Variants in MAP3K4 observed in about 807,000 individuals in gnomAD.
MAP3K4 encodes the protein mitogen-activated protein kinase kinase kinase 4.
MAP3K4 carries 67 observed loss-of-function variants against 185.6 expected under a neutral mutation model. The ratio of observed to expected loss-of-function variants is 0.36; its 90% CI spans 0.30 to 0.44. The LOEUF (loss-of-function observed/expected upper bound fraction) is 0.44, where lower values mean the gene tolerates loss of function less well. Among genes scored for constraint, MAP3K4 ranks in the 20% least tolerant of loss-of-function variants. The pLI is 1.00. For missense variants in MAP3K4, 1,551 were observed against 1,995.1 expected, an observed-to-expected ratio of 0.78 and a Z score of 4.24; for synonymous variants, 702 against 710.4, an observed-to-expected ratio of 0.99 and a Z score of 0.19.
chr6:161,066,290 T>C (rs1191754859), intron 3 of MAP3K4, among the ~76,000 whole-genome samples: 1 of 152,182 alleles, frequency 6.6e-6, no homozygotes, highest in Non-Finnish European at 1.5e-5. Flanking sequence ...GTTTTGACTA[T>C]GCCAAATGCT....
In MAP3K4 at chr6:161,107,274, T is replaced by C. The variant is rs1054886059; in HGVS notation, c.4048+569T>C. On this transcript the variant is annotated intron_variant, in intron 20 of 26. Coordinates refer to ENST00000392142, the MANE Select transcript of MAP3K4 (RefSeq NM_005922.4). This position sits in a 1 kb window ranked among gnomAD's most constrained non-coding sequence, Gnocchi z 6.2. ...TATTTATCTGTCACACATCTAGGTC[T>C]GAAGGGGGCGAACACAGTTGTATGA... 6.6e-6 allele frequency among the ~76,000 whole-genome samples: 1 copy of C among 152,194 alleles called. No individual in the cohort carries two copies. Among genetic ancestry groups the C allele is most frequent in the African/African-American group, 2.4e-5 (1 of 41,444 alleles).
chr6:161,002,410 AGATT>A (rs1484041143), intron 1 of MAP3K4, among the ~76,000 whole-genome samples: 2 of 152,198 alleles, frequency 1.3e-5, no homozygotes, highest in East Asian at 1.9e-4. Flanking sequence ...TAATAAAACT[AGATT>A]GATCTAGCTA....
At chr6:161,041,191 G>A (rs749293180) in intron 2 of MAP3K4, among the ~76,000 whole-genome samples, 1 of 152,182 alleles carries the variant, frequency 6.6e-6, no homozygotes, top group Non-Finnish European at 1.5e-5. Context: ...TCCAGCACCT[G>A]CCCAAGGAAC....
At chr6:161,039,090 C>T (rs940289932) in intron 2 of MAP3K4, among the ~76,000 whole-genome samples, 5 of 152,074 alleles carry the variant, frequency 3.3e-5, no homozygotes, top group African/African-American at 1.2e-4. Flanking sequence ...CTGTTGTGTT[C>T]TTTTAGTTCC....
intron 1 of MAP3K4, among the ~76,000 whole-genome samples, chr6:161,014,105 T>C (rs1240379612): frequency 6.6e-6 from 1 of 152,230 alleles, no homozygotes; most frequent in African/African-American, 2.4e-5. Context: ...GTGGAATGAA[T>C]TGTCATTAAC....
In MAP3K4 at chr6:161,117,002, G is replaced by A. The variant is rs544298943; in HGVS notation, c.*132G>A. 1.1e-4 allele frequency: 91 copies of A among 799,868 alleles called. No individual in the cohort carries two copies. The highest frequency in any genetic ancestry group is 2.1e-4 in the Admixed American group (9 of 43,212). The allele number at this position is 799,868 out of a possible 1,614,324, so 49.5% of individuals were successfully genotyped here. On this transcript the variant is annotated 3_prime_UTR_variant, in exon 27 of 27. Transcript: ENST00000392142. ...ACTGAAGACTGCACAGGTGACAAGC[G>A]TCACTTCTCCTGCTGCTCCTGTTTG...
chr6:161,086,666 A>G lies in MAP3K4; in HGVS notation c.2555A>G (p.Lys852Arg), dbSNP rs750031237. The change falls in exon 9 of 27, where the codon AAG (lysine) becomes AGG (arginine). Residue 852 changes from lysine to arginine, a missense_variant and splice_region_variant. This residue lies in a region of MAP3K4 where 261 missense variants were observed against 306.5 expected (regional missense o/e 0.85). Transcript: ENST00000392142. The surrounding 1 kb of genome is among the most constrained non-coding windows in gnomAD (Gnocchi z 4.8). ...LDVLKSKQYVKVQIPGLENLQ... is the reference protein window; with the variant it reads ...LDVLKSKQYVRVQIPGLENLQ... ...GTTCTGAAATCAAAACAGTATGTCA[A>G]GGTAAGTACTTCAAATGTTGTGATT... The G allele has an allele frequency of 3.1e-6, 5 of 1,608,220 alleles. No individual in the cohort carries two copies. The South Asian group carries it at 3.4e-5, about 11-fold the overall frequency.
rs1777706677 is a variant in MAP3K4 at position 161,098,911 on chromosome 6, G to A, written c.3674+484G>A. ...TATAGAAGTGGAAAAATGAGTTCATGGGGTTTGTATGTCATATGGAGAACA... is the reference window on the plus strand; with the variant it reads ...TATAGAAGTGGAAAAATGAGTTCATAGGGTTTGTATGTCATATGGAGAACA... On this transcript the variant is annotated intron_variant, in intron 17 of 26. Coordinates refer to ENST00000392142, the MANE Select transcript of MAP3K4 (RefSeq NM_005922.4). The surrounding 1 kb of genome is among the most constrained non-coding windows in gnomAD (Gnocchi z 4.4). Among the ~76,000 whole-genome samples, 2 of 152,210 alleles carry A rather than the reference G, an allele frequency of 1.3e-5. No individual in the cohort carries two copies. Among genetic ancestry groups the A allele is most frequent in the African/African-American group, 2.4e-5 (1 of 41,456 alleles).
At position 161,007,900 on chromosome 6, in the gene MAP3K4, C is replaced by T. The variant is rs1029846424; in HGVS notation, c.152+15817C>T. Among the ~76,000 whole-genome samples the T allele has an allele frequency of 1.3e-5, 2 of 152,022 alleles. No homozygotes were observed. The highest frequency in any genetic ancestry group is 4.8e-5 in the African/African-American group (2 of 41,398). Reference sequence around the variant, plus strand: ...CTTTTTTTATATCAGTTGTAGGGTACGGTGAAATATCAGAGATGTTAAAAT... The same window carrying T: ...CTTTTTTTATATCAGTTGTAGGGTATGGTGAAATATCAGAGATGTTAAAAT... On this transcript the variant is annotated intron_variant, in intron 1 of 26. Coordinates refer to ENST00000392142, the MANE Select transcript of MAP3K4 (RefSeq NM_005922.4). This position sits in a 1 kb window ranked among gnomAD's most constrained non-coding sequence, Gnocchi z 4.5.
Position 161,098,465 on chromosome 6 carries a change from C to G in MAP3K4, c.3674+38C>G. On this transcript the variant is annotated intron_variant, in intron 17 of 26. Transcript: ENST00000392142. The surrounding 1 kb of genome is among the most constrained non-coding windows in gnomAD (Gnocchi z 4.4). ...CACCAGTGTCCCGTACCCTCACCACCCCTTACATGCGCTTACACAGCAACC... is the reference window on the plus strand; with the variant it reads ...CACCAGTGTCCCGTACCCTCACCACGCCTTACATGCGCTTACACAGCAACC... 1.3e-6 allele frequency: 2 copies of G among 1,587,038 alleles called. No homozygotes were observed. The highest frequency in any genetic ancestry group is 2.7e-5 in the African/African-American group (2 of 74,370).
chr6:161,014,414 T>C (rs1035940111), intron 1 of MAP3K4, among the ~76,000 whole-genome samples: 3 of 152,228 alleles, frequency 2.0e-5, no homozygotes, highest in Admixed American at 6.5e-5. Context: ...TGCTAGTTTG[T>C]TAGTGCTTTT....
At chr6:161,004,263 T>C (rs1781469314) in intron 1 of MAP3K4, among the ~76,000 whole-genome samples, 1 of 152,192 alleles carries the variant, frequency 6.6e-6, no homozygotes, top group Non-Finnish European at 1.5e-5. Context: ...CCCATAATGC[T>C]GTGTTGTCTA....
intron 1 of MAP3K4, among the ~76,000 whole-genome samples, chr6:160,993,472 C>T (rs773688508): frequency 7.2e-5 from 11 of 152,086 alleles, no homozygotes; most frequent in Non-Finnish European, 1.3e-4. Flanking sequence ...TCCTGTTATA[C>T]TCTCTTTTTG....
intron 1 of MAP3K4, among the ~76,000 whole-genome samples, chr6:161,002,695 C>T (rs1435276348): frequency 6.7e-6 from 1 of 149,930 alleles, no homozygotes; most frequent in East Asian, 2.0e-4. Context: ...GGGTTCATGC[C>T]ATTCTCCTGC....
At chr6:161,099,325 T>G (rs1294844177) in intron 17 of MAP3K4, among the ~76,000 whole-genome samples, 2 of 152,222 alleles carry the variant, frequency 1.3e-5, no homozygotes, top group Non-Finnish European at 2.9e-5. Flanking sequence ...GACTAAAATG[T>G]TTTTACACTT....
At chr6:161,050,084 C>A in intron 3 of MAP3K4, 105 bp downstream of exon 3, 1 of 1,149,328 alleles carries the variant, frequency 8.7e-7, no homozygotes, top group Non-Finnish European at 1.2e-6. Context: ...TATTTTTGAA[C>A]ACAAATGGCA....
In MAP3K4 at chr6:161,098,695, A is replaced by G. The variant is rs1012003651; in HGVS notation, c.3674+268A>G. ...TTTGCGAAGAATAACTTGATGGAGT[A>G]TCATAGGAAAGGACTGGTCCACAAC... On this transcript the variant is annotated intron_variant, in intron 17 of 26. Coordinates refer to ENST00000392142, the MANE Select transcript of MAP3K4 (RefSeq NM_005922.4). The surrounding 1 kb of genome is among the most constrained non-coding windows in gnomAD (Gnocchi z 4.4). Among the ~76,000 whole-genome samples the G allele has an allele frequency of 6.6e-5, 10 of 152,246 alleles. No homozygotes were observed. The highest frequency in any genetic ancestry group is 1.5e-4 in the Non-Finnish European group (10 of 68,042).
rs1405204853 is a variant in MAP3K4, at chr6:160,996,535, T to C, written c.152+4452T>C. Among the ~76,000 whole-genome samples, 3 of 152,264 alleles carry C rather than the reference T, an allele frequency of 2.0e-5. No individual in the cohort carries two copies. The highest frequency in any genetic ancestry group is 4.4e-5 in the Non-Finnish European group (3 of 68,048). On this transcript the variant is annotated intron_variant, in intron 1 of 26. Transcript: ENST00000392142. The surrounding 1 kb of genome is among the most constrained non-coding windows in gnomAD (Gnocchi z 4.5). Reference sequence around the variant, plus strand: ...GACTATGATTTTACTCATAGCATTCTATTGTCTCAGCCTTGTCATTTGACC... The same window carrying C: ...GACTATGATTTTACTCATAGCATTCCATTGTCTCAGCCTTGTCATTTGACC...
chr6:161,079,412 G>A lies in MAP3K4; in HGVS notation c.2098-1469G>A, dbSNP rs574070250. On this transcript the variant is annotated intron_variant, in intron 5 of 26. Coordinates refer to ENST00000392142, the MANE Select transcript of MAP3K4 (RefSeq NM_005922.4). ...GACCAACATGGAGAAACCCCGTCTC[G>A]GCTAAAAATACGAAATTAGCCAGTT... Among the ~76,000 whole-genome samples, 8 of 151,374 alleles carry A rather than the reference G, an allele frequency of 5.3e-5. No individual in the cohort carries two copies. In the East Asian group the frequency reaches 9.8e-4, roughly 19 times the overall value.
Sources: allele counts gnomAD v4.1 joint callset (sites outside exome capture counted in the v4.1 genomes callset), GRCh38; gene constraint gnomAD v4.1.1; regional missense constraint gnomAD v4.1.1; non-coding constraint Gnocchi (gnomAD v3.1); transcripts MANE v1.5; gene names NCBI Gene and HGNC (gene_info 2026-07-23, HGNC 2026-07-21).